CHLSN: variants seen among roughly 807,000 people sequenced by gnomAD.
CHLSN encodes the protein cholesin, also known as protein cholesin.
chr7:1,001,262 C>G, the CHLSN span, among the ~76,000 whole-genome samples: 1 of 152,214 alleles, frequency 6.6e-6, no homozygotes, highest in Non-Finnish European at 1.5e-5. Flanking sequence ...GTAGGCTCAG[C>G]ACGGGGGAGG....
At chr7:987,111 A>G in the CHLSN span, 3 of 1,545,510 alleles carry the variant, frequency 1.9e-6, no homozygotes, top group South Asian at 1.2e-5. Context: ...CTGCAGGGGG[A>G]TGACCCCGAG....
chr7:988,452 C>T, the CHLSN span: 2 of 1,610,970 alleles, frequency 1.2e-6, no homozygotes, highest in South Asian at 1.1e-5. Context: ...TGGGGCGGCA[C>T]CTCCAGGGCT....
the CHLSN span, chr7:1,021,555 G>T: frequency 1.0e-6 from 1 of 985,310 alleles, no homozygotes; most frequent in African/African-American, 1.7e-5. Flanking sequence ...CAGGAGTAGG[G>T]CTTCAGCAGC....
chr7:1,082,625 C>T, the CHLSN span, among the ~76,000 whole-genome samples: 2 of 152,218 alleles, frequency 1.3e-5, no homozygotes, highest in African/African-American at 4.8e-5. Flanking sequence ...CTGCAGCTTC[C>T]AGAATAGTGG....
At chr7:1,095,516 A>G in the CHLSN span, among the ~76,000 whole-genome samples, 2 of 152,322 alleles carry the variant, frequency 1.3e-5, no homozygotes, top group Non-Finnish European at 2.9e-5. Flanking sequence ...CCCCACACAC[A>G]GTCCCGTTCA....
the CHLSN span, among the ~76,000 whole-genome samples, chr7:1,033,809 C>G: frequency 6.6e-6 from 1 of 151,890 alleles, no homozygotes; most frequent in African/African-American, 2.4e-5. Context: ...GGGGTGCCTC[C>G]TGAGTGAGGG....
At chr7:985,353 G>T in the CHLSN span, 1 of 1,545,198 alleles carries the variant, frequency 6.5e-7, no homozygotes, top group Non-Finnish European at 8.7e-7. Flanking sequence ...CCTTGGGGTG[G>T]GGTGGAGCCT....
At chr7:1,016,969 C>T in the CHLSN span, among the ~76,000 whole-genome samples, 1 of 103,720 alleles carries the variant, frequency 9.6e-6, no homozygotes, top group South Asian at 2.9e-4. Flanking sequence ...GCAGCACACG[C>T]CAGCACACAC....
the CHLSN span, chr7:1,057,487 C>T: frequency 4.0e-4 from 294 of 736,474 alleles, 2 homozygotes; most frequent in African/African-American, 3.8e-3. Flanking sequence ...TCCTTCTTTC[C>T]GCAGGGTCGC....
At chr7:1,136,599 T>TAAACATAAACATATATAAACATATAAAC in the CHLSN span, among the ~76,000 whole-genome samples, 1 of 143,178 alleles carries the variant, frequency 7.0e-6, no homozygotes, top group African/African-American at 2.6e-5. Context: ...TATATAAACA[T>TAAACATAAACATATATAAACATATAAAC]ATATAAATAT....
chr7:988,632 C>T, the CHLSN span: 2 of 1,602,964 alleles, frequency 1.2e-6, no homozygotes, highest in Non-Finnish European at 1.7e-6. Context: ...ACATCCCCCG[C>T]AGGCCGCCGC....
At chr7:1,014,193 A>C in the CHLSN span, among the ~76,000 whole-genome samples, 1 of 152,362 alleles carries the variant, frequency 6.6e-6, no homozygotes, top group South Asian at 2.1e-4. Context: ...CAAACCCTAC[A>C]GGCTGGGAGG....
At chr7:1,079,799 G>A in the CHLSN span, among the ~76,000 whole-genome samples, 1 of 152,346 alleles carries the variant, frequency 6.6e-6, no homozygotes, top group Admixed American at 6.5e-5. Context: ...CGGCCTCCCA[G>A]CTCTGGGGAA....
the CHLSN span, among the ~76,000 whole-genome samples, chr7:981,371 T>C: frequency 4.6e-5 from 7 of 151,830 alleles, no homozygotes; most frequent in Non-Finnish European, 5.9e-5. Context: ...CCCAGCGCTT[T>C]TGGAGGCGGC....
At chr7:1,057,858 G>A in the CHLSN span, 2 of 777,580 alleles carry the variant, frequency 2.6e-6, no homozygotes, top group Non-Finnish European at 4.8e-6. Flanking sequence ...GTCCTCACTG[G>A]TGGCCATGTA....
chr7:1,100,552 G>A, the CHLSN span, among the ~76,000 whole-genome samples: 130 of 152,312 alleles, frequency 8.5e-4, no homozygotes, highest in Middle Eastern at 3.4e-3. Context: ...AGCCTGGGCC[G>A]TGCGCCCTCA....
chr7:991,781 G>A, the CHLSN span, among the ~76,000 whole-genome samples: 2 of 152,324 alleles, frequency 1.3e-5, no homozygotes, highest in East Asian at 3.9e-4. Flanking sequence ...GCACATTCAC[G>A]GCCACCACTG....
chr7:1,023,318 C>G, the CHLSN span, among the ~76,000 whole-genome samples: 3 of 152,202 alleles, frequency 2.0e-5, no homozygotes, highest in Non-Finnish European at 4.4e-5. This position sits in a 1 kb window ranked among gnomAD's most constrained non-coding sequence, Gnocchi z 5.0. Context: ...ACCGCGGGGT[C>G]TGCGGAAGCT....
the CHLSN span, among the ~76,000 whole-genome samples, chr7:1,004,074 G>A: frequency 6.6e-6 from 1 of 151,982 alleles, no homozygotes; most frequent in Non-Finnish European, 1.5e-5. Context: ...TAGGTGACAC[G>A]CCAGCCCCAT....
Sources: allele counts gnomAD v4.1 joint callset (sites outside exome capture counted in the v4.1 genomes callset), GRCh38; gene constraint gnomAD v4.1.1; non-coding constraint Gnocchi (gnomAD v3.1); transcripts MANE v1.5; gene names NCBI Gene and HGNC (gene_info 2026-07-23, HGNC 2026-07-21).